The following LKAAEAR1 variants were observed in gnomAD, a reference collection of about 807,000 sequenced individuals.
LKAAEAR1 encodes the protein LKAAEAR motif containing 1.
LKAAEAR1 carries 19 observed loss-of-function variants against 16.5 expected under a neutral mutation model. That is an observed-to-expected ratio of 1.15 (90% CI 0.80 to 1.69). The LOEUF is 1.69. Among genes scored for constraint, LKAAEAR1 ranks in the 40% most tolerant of loss-of-function variants. The pLI, the probability that LKAAEAR1 is intolerant of heterozygous loss-of-function variation, is 0.00. For missense variants in LKAAEAR1, 304 were observed against 315.8 expected, an observed-to-expected ratio of 0.96 and a Z score of 0.28; for synonymous variants, 124 against 152.7, an observed-to-expected ratio of 0.81 and a Z score of 1.39.
chr20:64,083,378 C>T lies in LKAAEAR1; in HGVS notation c.*57G>A. 6.2e-7 allele frequency: 1 copy of T among 1,609,604 alleles called. No homozygotes were observed. The highest frequency in any genetic ancestry group is 1.3e-5 in the African/African-American group (1 of 74,768). Reference sequence around the variant, plus strand: ...GGCAGCAAAAAGACCAGCGAGCCTTCGGAGAATTATAACTTTATGTGGGAG... The same window carrying T: ...GGCAGCAAAAAGACCAGCGAGCCTTTGGAGAATTATAACTTTATGTGGGAG... On this transcript the variant is annotated 3_prime_UTR_variant, in exon 3 of 3. Transcript: ENST00000302096. This position sits in a 1 kb window ranked among gnomAD's most constrained non-coding sequence, Gnocchi z 4.9.
chr20:64,083,697 C>G lies in LKAAEAR1; in HGVS notation c.411G>C (p.Glu137Asp). 2.2e-6 allele frequency: 3 copies of G among 1,393,830 alleles called. No individual in the cohort carries two copies. The highest frequency in any genetic ancestry group is 2.8e-6 in the Non-Finnish European group (3 of 1,082,618). 86.3% of individuals were successfully genotyped at this position (1,393,830 alleles called of 1,614,324 possible). ...RLRYTRMRAE[E>D]IALLIQRQKS... ...TCTGCCGCTGGATGAGCAGCGCGAT[C>G]TCCTCGGCCTGCGGGGCCCGGGTAG... Residue 137 changes from glutamate to aspartate, a missense_variant, in exon 2 of 3, where the codon GAG becomes GAC. Glu to Asp is a conservative substitution (Grantham distance 45). Transcript: ENST00000302096. This position sits in a 1 kb window ranked among gnomAD's most constrained non-coding sequence, Gnocchi z 4.9.
In LKAAEAR1 at chr20:64,084,076, C is replaced by T; in HGVS notation, c.144G>A (p.Pro48=). 1 of 1,494,132 alleles carries T rather than the reference C, an allele frequency of 6.7e-7. No individual in the cohort carries two copies. The highest frequency in any genetic ancestry group is 8.8e-7 in the Non-Finnish European group (1 of 1,131,430). 92.6% of individuals were successfully genotyped at this position (1,494,132 alleles called of 1,614,324 possible). ...CAGGGAGCATGGCCGCCAGTCCCTG[C>T]GGCGTCAGGGCCCAGCCCGGCTTGG... is the stretch of plus-strand genomic sequence containing the variant. The part of the protein sequence containing the change: ...EPPKPGWALT[P]QGLAAMLPAQ... The change falls in exon 1 of 3, where the codon CCG becomes CCA. Residue 48 remains proline (P), a synonymous_variant. Transcript: ENST00000302096.
At chr20:64,084,401 A>G, upstream of LKAAEAR1, 1 of 1,269,820 alleles carries the variant, frequency 7.9e-7, no homozygotes. Flanking sequence ...CCCTCTCCCA[A>G]GCGCACGTCC....
chr20:64,083,767 C>T lies in LKAAEAR1; in HGVS notation c.402+51G>A, dbSNP rs1487576979. 1.5e-6 allele frequency: 2 copies of T among 1,332,914 alleles called. No individual in the cohort carries two copies. The highest frequency in any genetic ancestry group is 1.5e-5 in the African/African-American group (1 of 64,616). The allele number at this position is 1,332,914 out of a possible 1,614,324, so 82.6% of individuals were successfully genotyped here. A position where few individuals can be genotyped will look rare whatever the true frequency, so the allele number is the denominator to read the frequency against. Reference sequence around the variant, plus strand: ...CGCCCCGCCCCGCCCCGGCCGGCTCCGCTCAACGCTCCCGGTGCGCCCCCT... The same window carrying T: ...CGCCCCGCCCCGCCCCGGCCGGCTCTGCTCAACGCTCCCGGTGCGCCCCCT... On this transcript the variant is annotated intron_variant, in intron 1 of 2. Coordinates refer to ENST00000302096, the MANE Select transcript of LKAAEAR1 (RefSeq NM_001353425.2). The surrounding 1 kb of genome is among the most constrained non-coding windows in gnomAD (Gnocchi z 4.9).
At chr20:64,084,472 C>G (rs2060020515), upstream of LKAAEAR1, 2 of 963,306 alleles carry the variant, frequency 2.1e-6, no homozygotes, top group African/African-American at 1.7e-5. Context: ...ACTTTCTGAT[C>G]AACTCAGTTG....
chr20:64,083,904 G>C lies in LKAAEAR1; in HGVS notation c.316C>G (p.Arg106Gly), dbSNP rs1007377507. 1.1e-5 allele frequency: 16 copies of C among 1,445,570 alleles called. No individual in the cohort carries two copies. In the African/African-American group the frequency reaches 1.8e-4, roughly 16 times the overall value. 89.5% of individuals were successfully genotyped at this position (1,445,570 alleles called of 1,614,324 possible). Reference sequence around the variant, plus strand: ...AGGACGCCGAGGAGCCGGTTCTGGCGCTCGGCGGGCAGCTCGAGCGACTGC... The same window carrying C: ...AGGACGCCGAGGAGCCGGTTCTGGCCCTCGGCGGGCAGCTCGAGCGACTGC... ...WTQSLELPAE[R>G]QNRLLGVLKA... The change falls in exon 1 of 3, where the codon CGC (arginine) becomes GGC (glycine). Residue 106 changes from arginine to glycine, a missense_variant. Transcript: ENST00000302096. This position sits in a 1 kb window ranked among gnomAD's most constrained non-coding sequence, Gnocchi z 4.9.
chr20:64,083,480 C>T lies in LKAAEAR1; in HGVS notation c.540G>A (p.Glu180=). 6.3e-7 allele frequency: 1 copy of T among 1,596,850 alleles called. No individual in the cohort carries two copies. The highest frequency in any genetic ancestry group is 8.5e-7 in the Non-Finnish European group (1 of 1,172,942). The change falls in exon 3 of 3, where the codon GAG becomes GAA. Residue 180 remains glutamate (E), a synonymous_variant. Coordinates refer to ENST00000302096, the MANE Select transcript of LKAAEAR1 (RefSeq NM_001353425.2). This position sits in a 1 kb window ranked among gnomAD's most constrained non-coding sequence, Gnocchi z 4.9. ...CATCCACGTTCTCCTCCAGGATGGT[C>T]TCCACGCGCCTCCGCTGCCGGGGAG... is the stretch of plus-strand genomic sequence containing the variant. ...PLDRQERRRV[E]TILEENVDGT...
At chr20:64,084,830 C>T (rs1047054898), upstream of LKAAEAR1, among the ~76,000 whole-genome samples, 1 of 152,230 alleles carries the variant, frequency 6.6e-6, no homozygotes, top group Non-Finnish European at 1.5e-5. Context: ...AGAGCCACGG[C>T]CAGCCCCAGC....
In LKAAEAR1 at chr20:64,083,909, G is replaced by A; in HGVS notation, c.311C>T (p.Ala104Val). The part of the protein sequence containing the change: ...RPWTQSLELP[A>V]ERQNRLLGVL... ...GCCGAGGAGCCGGTTCTGGCGCTCG[G>A]CGGGCAGCTCGAGCGACTGCGTCCA... The change falls in exon 1 of 3, where the codon GCC (alanine) becomes GTC (valine). Residue 104 changes from alanine to valine, a missense_variant. By Grantham distance (64) the Ala-to-Val change is moderately conservative. Transcript: ENST00000302096. The surrounding 1 kb of genome is among the most constrained non-coding windows in gnomAD (Gnocchi z 4.9). The A allele has an allele frequency of 6.9e-7, 1 of 1,447,280 alleles. No homozygotes were observed. The allele number at this position is 1,447,280 out of a possible 1,614,324, so 89.7% of individuals were successfully genotyped here. A position where few individuals can be genotyped will look rare whatever the true frequency, so the allele number is the denominator to read the frequency against.
In LKAAEAR1 at chr20:64,083,917, C is replaced by A; in HGVS notation, c.303G>T (p.Glu101Asp). Residue 101 changes from glutamate (E) to aspartate (D), a missense_variant, in exon 1 of 3, where the codon GAG becomes GAT. Physicochemically the swap from Glu to Asp is conservative, Grantham distance 45. Transcript: ENST00000302096. This position sits in a 1 kb window ranked among gnomAD's most constrained non-coding sequence, Gnocchi z 4.9. ...PDPRPWTQSLELPAERQNRLL... is the reference protein window; with the variant it reads ...PDPRPWTQSLDLPAERQNRLL... ...GCCGGTTCTGGCGCTCGGCGGGCAG[C>A]TCGAGCGACTGCGTCCACGGGCGCG... 6.9e-7 allele frequency: 1 copy of A among 1,451,020 alleles called. No individual in the cohort carries two copies. The highest frequency in any genetic ancestry group is 2.6e-5 in the Admixed American group (1 of 38,660). The allele number at this position is 1,451,020 out of a possible 1,614,324, so 89.9% of individuals were successfully genotyped here.
Position 64,084,138 on chromosome 20 carries a change from C to A in LKAAEAR1, c.82G>T (p.Glu28Ter), listed in dbSNP as rs1178633209. The A allele has an allele frequency of 6.8e-7, 1 of 1,461,888 alleles. No individual in the cohort carries two copies. 90.6% of individuals were successfully genotyped at this position (1,461,888 alleles called of 1,614,324 possible). The change falls in exon 1 of 3, where the codon GAG (glutamate) becomes TAG (stop). Residue 28 changes from glutamate (E) to a stop codon, truncating the protein, a stop_gained. Transcript: ENST00000302096. LOFTEE classifies it high-confidence loss of function. ...GKSAPGTAQG[E>*]ERAKGAPATE... ...GCGGGCGCCCCCTTGGCACGCTCCT[C>A]ACCCTGCGCCGTGCCTGGCGCGCTC...
rs1170780841 is a variant in LKAAEAR1, at chr20:64,083,588, G to A, written c.520C>T (p.Gln174Ter). The change falls in exon 2 of 3, where the codon CAA becomes TAA. Residue 174 changes from glutamine (Q) to a stop codon, truncating the protein, a stop_gained. Coordinates refer to ENST00000302096, the MANE Select transcript of LKAAEAR1 (RefSeq NM_001353425.2). LOFTEE classifies it high-confidence loss of function. The surrounding 1 kb of genome is among the most constrained non-coding windows in gnomAD (Gnocchi z 4.9). ...PARIPDPLDR[Q>*]ERRRVETILE... ...CTACCGGGGCTTGTCTGCACCTCTTGGCGGTCCAGGGGGTCCGGGATCCGC... is the reference window on the plus strand; with the variant it reads ...CTACCGGGGCTTGTCTGCACCTCTTAGCGGTCCAGGGGGTCCGGGATCCGC... The A allele has an allele frequency of 6.6e-7, 1 of 1,507,430 alleles. No individual in the cohort carries two copies. 93.4% of individuals were successfully genotyped at this position (1,507,430 alleles called of 1,614,324 possible).
At position 64,083,582 on chromosome 20, in the gene LKAAEAR1, C is replaced by A; in HGVS notation, c.525+1G>T. ...CCGCCCCTACCGGGGCTTGTCTGCA[C>A]CTCTTGGCGGTCCAGGGGGTCCGGG... On this transcript the variant is annotated splice_donor_variant, in intron 2 of 2. Transcript: ENST00000302096. LOFTEE classifies it high-confidence loss of function. This position sits in a 1 kb window ranked among gnomAD's most constrained non-coding sequence, Gnocchi z 4.9. 16 of 1,513,374 alleles carry A rather than the reference C, an allele frequency of 1.1e-5. No individual in the cohort carries two copies. The highest frequency in any genetic ancestry group is 1.4e-5 in the Non-Finnish European group (16 of 1,130,084). The allele number at this position is 1,513,374 out of a possible 1,614,324, so 93.7% of individuals were successfully genotyped here.
chr20:64,083,735 C>G lies in LKAAEAR1; in HGVS notation c.403-30G>C, dbSNP rs978061237. 7.4e-7 allele frequency: 1 copy of G among 1,348,488 alleles called. No individual in the cohort carries two copies. Among genetic ancestry groups the G allele is most frequent in the South Asian group, 1.9e-5 (1 of 53,796 alleles). 83.5% of individuals were successfully genotyped at this position (1,348,488 alleles called of 1,614,324 possible). On this transcript the variant is annotated intron_variant, in intron 1 of 2. Transcript: ENST00000302096. The surrounding 1 kb of genome is among the most constrained non-coding windows in gnomAD (Gnocchi z 4.9). The stretch of plus-strand genomic sequence containing the variant: ...GGGGCCCGGGTAGCTGAGCGCGCGC[C>G]GAGCCCCGCCCCGCCCCGCCCCGGC...
rs1050791122 is a variant in LKAAEAR1, at chr20:64,083,980, C to A, written c.240G>T (p.Pro80=). 2 of 1,471,944 alleles carry A rather than the reference C, an allele frequency of 1.4e-6. No homozygotes were observed. The highest frequency in any genetic ancestry group is 1.5e-5 in the African/African-American group (1 of 68,094). 91.2% of individuals were successfully genotyped at this position (1,471,944 alleles called of 1,614,324 possible). ...EDVGAAASTF[P]CGSVEPGYRM... ...GGTACCCCGGTTCCACCGACCCGCA[C>A]GGGAAGGTGGAGGCCGCCGCGCCCA... is the stretch of plus-strand genomic sequence containing the variant. Residue 80 remains proline, a synonymous_variant, in exon 1 of 3, where the codon CCG becomes CCT. Coordinates refer to ENST00000302096, the MANE Select transcript of LKAAEAR1 (RefSeq NM_001353425.2). The surrounding 1 kb of genome is among the most constrained non-coding windows in gnomAD (Gnocchi z 4.9).
In LKAAEAR1 at chr20:64,084,357, C is replaced by T; in HGVS notation, c.-138G>A. 3 of 1,284,298 alleles carry T rather than the reference C, an allele frequency of 2.3e-6. No homozygotes were observed. Among genetic ancestry groups the T allele is most frequent in the Non-Finnish European group, 2.9e-6 (3 of 1,018,202 alleles). 79.6% of individuals were successfully genotyped at this position (1,284,298 alleles called of 1,614,324 possible). ...TCTCCGCAGTCGGTTTTGAGTTCCGCACCCCCAGCCTCTGAGCTTTGCCCA... is the reference window on the plus strand; with the variant it reads ...TCTCCGCAGTCGGTTTTGAGTTCCGTACCCCCAGCCTCTGAGCTTTGCCCA... On this transcript the variant is annotated 5_prime_UTR_variant, in exon 1 of 3. Coordinates refer to ENST00000302096, the MANE Select transcript of LKAAEAR1 (RefSeq NM_001353425.2).
chr20:64,083,719 G>T lies in LKAAEAR1; in HGVS notation c.403-14C>A. 3 of 1,362,772 alleles carry T rather than the reference G, an allele frequency of 2.2e-6. No homozygotes were observed. The highest frequency in any genetic ancestry group is 2.8e-6 in the Non-Finnish European group (3 of 1,066,332). 84.4% of individuals were successfully genotyped at this position (1,362,772 alleles called of 1,614,324 possible). A position where few individuals can be genotyped will look rare whatever the true frequency, so the allele number is the denominator to read the frequency against. On this transcript the variant is annotated splice_polypyrimidine_tract_variant and intron_variant, in intron 1 of 2. Coordinates refer to ENST00000302096, the MANE Select transcript of LKAAEAR1 (RefSeq NM_001353425.2). This position sits in a 1 kb window ranked among gnomAD's most constrained non-coding sequence, Gnocchi z 4.9. The stretch of plus-strand genomic sequence containing the variant: ...GATCTCCTCGGCCTGCGGGGCCCGG[G>T]TAGCTGAGCGCGCGCCGAGCCCCGC...
At chr20:64,084,586 T>C (rs921501132), upstream of LKAAEAR1, among the ~76,000 whole-genome samples, 1 of 152,188 alleles carries the variant, frequency 6.6e-6, no homozygotes, top group Non-Finnish European at 1.5e-5. Flanking sequence ...GAGCTCTAGG[T>C]GACGCCTGGG....
Position 64,083,840 on chromosome 20 carries a change from C to A in LKAAEAR1, c.380G>T (p.Arg127Leu), listed in dbSNP as rs747774749. ...AEARGRVRALRLRYTRMRAEE... is the reference protein window; with the variant it reads ...AEARGRVRALLLRYTRMRAEE... ...CACCCGCATGCGGGTGTAGCGCAGC[C>A]GCAGGGCGCGGACTCGCCCGCGGGC... is the stretch of plus-strand genomic sequence containing the variant. Residue 127 changes from arginine to leucine, a missense_variant, in exon 1 of 3, where the codon CGG (arginine) becomes CTG (leucine). Arg to Leu is a moderately radical substitution (Grantham distance 102). Coordinates refer to ENST00000302096, the MANE Select transcript of LKAAEAR1 (RefSeq NM_001353425.2). This position sits in a 1 kb window ranked among gnomAD's most constrained non-coding sequence, Gnocchi z 4.9. 1.0e-5 allele frequency: 14 copies of A among 1,395,502 alleles called. No homozygotes were observed. The South Asian group carries it at 2.0e-4, about 20-fold the overall frequency. The allele number at this position is 1,395,502 out of a possible 1,614,324, so 86.4% of individuals were successfully genotyped here.
Sources: gnomAD v4.1 joint callset for allele counts (sites outside exome capture counted in the v4.1 genomes callset) on GRCh38, gnomAD v4.1.1 for gene constraint, Gnocchi (gnomAD v3.1) non-coding constraint, MANE v1.5 for transcripts, NCBI Gene and HGNC (gene_info 2026-07-23, HGNC 2026-07-21) for gene names.